Variants in STRN3 observed in about 807,000 individuals in gnomAD.
STRN3 encodes striatin 3.
A neutral mutation model predicts 95.6 loss-of-function variants in STRN3; 29 were observed. That is an observed-to-expected ratio of 0.30 (90% CI 0.23 to 0.41). The LOEUF (loss-of-function observed/expected upper bound fraction) is 0.41, where lower values mean the gene tolerates loss of function less well. Among genes scored for constraint, STRN3 ranks in the 10% least tolerant of loss-of-function variants. STRN3 has a pLI of 1.00. For missense variants in STRN3, 890 were observed against 972.1 expected, an observed-to-expected ratio of 0.92 and a Z score of 1.12; for synonymous variants, 331 against 357.6, an observed-to-expected ratio of 0.93 and a Z score of 0.84.
chr14:30,918,983 C>A lies in STRN3; in HGVS notation c.1223G>T (p.Gly408Val), dbSNP rs777245177. ...TTTTGTACCTTCCTCTGCTCTTGCA[C>A]CTTCATGATCAGTCATTCTAGTAGA... is the stretch of plus-strand genomic sequence containing the variant. ...SASTRMTDHE[G>V]ARAEEAEPIT... The change falls in exon 9 of 18, where the codon GGT (glycine) becomes GTT (valine). Residue 408 changes from glycine (G) to valine (V), a missense_variant. Transcript: ENST00000357479. 1 of 1,590,150 alleles carries A rather than the reference C, an allele frequency of 6.3e-7. No individual in the cohort carries two copies. Among genetic ancestry groups the A allele is most frequent in the Non-Finnish European group, 8.6e-7 (1 of 1,167,128 alleles).
intron 16 of STRN3, among the ~76,000 whole-genome samples, chr14:30,900,693 G>C (rs1395212807): frequency 6.6e-6 from 1 of 150,846 alleles, no homozygotes; most frequent in Non-Finnish European, 1.5e-5. Flanking sequence ...AGGTTACAGT[G>C]AGCTGAGATG....
At chr14:30,901,618 C>A (rs1375452047) in intron 16 of STRN3, among the ~76,000 whole-genome samples, 1 of 152,146 alleles carries the variant, frequency 6.6e-6, no homozygotes, top group Non-Finnish European at 1.5e-5. Flanking sequence ...TCAAAGTAGC[C>A]TTCCTAGCTG....
chr14:31,013,865 TA>T (rs748291517), intron 1 of STRN3, among the ~76,000 whole-genome samples: 45,633 of 91,214 alleles, frequency 0.5, 8,834 homozygotes, highest in Admixed American at 0.56. Flanking sequence ...AAAGCAATTT[TA>T]TTATTATTAT....
At chr14:30,991,801 T>C (rs550349860) in intron 1 of STRN3, among the ~76,000 whole-genome samples, 2 of 151,830 alleles carry the variant, frequency 1.3e-5, no homozygotes, top group African/African-American at 2.4e-5. Context: ...AAAGACCTTA[T>C]CAGAAAATGT....
chr14:30,921,863 A>C (rs1031488309), intron 8 of STRN3, among the ~76,000 whole-genome samples: 8 of 152,140 alleles, frequency 5.3e-5, no homozygotes, highest in Non-Finnish European at 8.8e-5. Context: ...ACTTTTATTT[A>C]TTTTTTAATT....
intron 1 of STRN3, chr14:31,025,474 G>C (rs936286205): frequency 5.9e-6 from 1 of 169,750 alleles, no homozygotes; most frequent in Non-Finnish European, 1.2e-5. Context: ...CCGGAAAAGG[G>C]GGGTAAGATG....
At chr14:30,980,509 G>A (rs144883237) in intron 1 of STRN3, among the ~76,000 whole-genome samples, 2,586 of 152,004 alleles carry the variant, frequency 0.017, 71 homozygotes, top group African/African-American at 0.057. Flanking sequence ...CCGGGTTCAA[G>A]CTGTTTTCCT....
chr14:30,906,142 G>A (rs549355560), intron 14 of STRN3, among the ~76,000 whole-genome samples: 1 of 152,142 alleles, frequency 6.6e-6, no homozygotes, highest in South Asian at 2.1e-4. Context: ...ATGGAATATG[G>A]AGCCAAGCTA....
At chr14:30,966,841 G>A (rs555816078) in intron 1 of STRN3, among the ~76,000 whole-genome samples, 8 of 152,136 alleles carry the variant, frequency 5.3e-5, no homozygotes, top group Admixed American at 1.3e-4. Context: ...ATACCAGCAC[G>A]CCAACACTAA....
At chr14:31,016,450 G>C (rs558130993) in intron 1 of STRN3, among the ~76,000 whole-genome samples, 1 of 152,060 alleles carries the variant, frequency 6.6e-6, no homozygotes, top group Admixed American at 6.6e-5. Flanking sequence ...CATATTATAC[G>C]ATTCAAACTA....
At chr14:30,930,416 T>C (rs901031808) in intron 7 of STRN3, among the ~76,000 whole-genome samples, 1 of 152,162 alleles carries the variant, frequency 6.6e-6, no homozygotes, top group African/African-American at 2.4e-5. Flanking sequence ...CCTTTATAGA[T>C]TGCTATATGC....
chr14:30,940,347 C>G (rs1879036362), intron 5 of STRN3, among the ~76,000 whole-genome samples: 1 of 152,012 alleles, frequency 6.6e-6, no homozygotes, highest in South Asian at 2.1e-4. Context: ...CAATAGCTTC[C>G]TGAGAAAAAA....
In STRN3 at chr14:30,911,155, C is replaced by G. The variant is rs752853577; in HGVS notation, c.1606G>C (p.Val536Leu). ...IYTFRAHIGP[V>L]LSLAISSNGE... ...TTAGAACTAATAGCTAATGACAGAA[C>G]AGGGCCGCTATTGTAGGAAGAGAGG... The change falls in exon 13 of 18, where the codon GTT becomes CTT. Residue 536 changes from valine to leucine, a missense_variant. By Grantham distance (32) the Val-to-Leu change is conservative. Coordinates refer to ENST00000357479, the MANE Select transcript of STRN3 (RefSeq NM_001083893.2). 1 of 1,611,258 alleles carries G rather than the reference C, an allele frequency of 6.2e-7. No individual in the cohort carries two copies. Among genetic ancestry groups the G allele is most frequent in the African/African-American group, 1.3e-5 (1 of 74,770 alleles).
At chr14:30,928,529 T>G (rs1878306240) in intron 8 of STRN3, among the ~76,000 whole-genome samples, 1 of 152,186 alleles carries the variant, frequency 6.6e-6, no homozygotes, top group Non-Finnish European at 1.5e-5. Context: ...AATGAATTGC[T>G]ACTTTGAGAG....
chr14:30,938,180 C>T (rs1878919714), intron 5 of STRN3, among the ~76,000 whole-genome samples: 1 of 150,746 alleles, frequency 6.6e-6, no homozygotes, highest in Admixed American at 6.6e-5. Context: ...TTTTAAATAG[C>T]ATTAACAAAG....
intron 1 of STRN3, among the ~76,000 whole-genome samples, chr14:30,966,155 G>A (rs1452535228): frequency 6.6e-6 from 1 of 152,014 alleles, no homozygotes; most frequent in Non-Finnish European, 1.5e-5. Flanking sequence ...CATCCAATCG[G>A]AATTAGTTTA....
At chr14:31,005,419 C>A (rs1882670296) in intron 1 of STRN3, among the ~76,000 whole-genome samples, 1 of 152,206 alleles carries the variant, frequency 6.6e-6, no homozygotes, top group Admixed American at 6.5e-5. Flanking sequence ...CAGTAAATGG[C>A]ACCTTACATA....
chr14:30,939,619 ATACT>A (rs1412873410), intron 5 of STRN3, among the ~76,000 whole-genome samples: 1 of 152,142 alleles, frequency 6.6e-6, no homozygotes, highest in Non-Finnish European at 1.5e-5. Flanking sequence ...TTGCTAGGAA[ATACT>A]TAGGAGAAAA....
intron 1 of STRN3, among the ~76,000 whole-genome samples, chr14:30,966,213 G>A (rs761993435): frequency 9.9e-5 from 15 of 152,198 alleles, no homozygotes; most frequent in Non-Finnish European, 1.5e-4. Flanking sequence ...CGGCAGCAAA[G>A]GGTCACGTGC....
Sources: allele counts gnomAD v4.1 joint callset (sites outside exome capture counted in the v4.1 genomes callset), GRCh38; gene constraint gnomAD v4.1.1; transcripts MANE v1.5; gene names NCBI Gene and HGNC (gene_info 2026-07-23, HGNC 2026-07-21).